The following PTPRC variants were observed in gnomAD, a reference collection of about 807,000 sequenced individuals.
The protein encoded by PTPRC is receptor-type tyrosine-protein phosphatase C.
A neutral mutation model predicts 155.9 loss-of-function variants in PTPRC; 44 were observed. The ratio of observed to expected loss-of-function variants is 0.28; its 90% CI spans 0.22 to 0.36. The LOEUF is 0.36. PTPRC is among the 10% of genes least tolerant of loss of function. The pLI is 1.00. For missense variants in PTPRC, 1,401 were observed against 1,564.6 expected (o/e 0.90, Z 1.76); for synonymous variants, 525 against 533.1 (o/e 0.98, Z 0.21).
intron 2 of PTPRC, among the ~76,000 whole-genome samples, chr1:198,660,345 A>C (rs1663885927): frequency 6.6e-6 from 1 of 151,992 alleles, no homozygotes; most frequent in African/African-American, 2.4e-5. Context: ...TCATATGCTT[A>C]TTATTTACAT....
chr1:198,708,160 G>A lies in PTPRC; in HGVS notation c.932G>A (p.Cys311Tyr). 2 of 1,606,662 alleles carry A rather than the reference G, an allele frequency of 1.2e-6. No individual in the cohort carries two copies. Among genetic ancestry groups the A allele is most frequent in the Non-Finnish European group, 1.7e-6 (2 of 1,174,016 alleles). ...GTTGAAAAGTTTCAGTTACATGATTGTACACAAGTTGAAAAAGCAGATACT... is the reference window on the plus strand; with the variant it reads ...GTTGAAAAGTTTCAGTTACATGATTATACACAAGTTGAAAAAGCAGATACT... ...PGVEKFQLHD[C>Y]TQVEKADTTI... The change falls in exon 10 of 33, where the codon TGT (cysteine) becomes TAT (tyrosine). Residue 311 changes from cysteine to tyrosine, a missense_variant. Physicochemically the swap from Cys to Tyr is radical, Grantham distance 194. This residue lies in a region of PTPRC where 867 missense variants were observed against 970.4 expected (regional missense o/e 0.89). Coordinates refer to ENST00000442510, the MANE Select transcript of PTPRC (RefSeq NM_002838.5).
chr1:198,691,094 C>T (rs1412288945), intron 2 of PTPRC, among the ~76,000 whole-genome samples: 1 of 152,188 alleles, frequency 6.6e-6, no homozygotes, highest in East Asian at 1.9e-4. Context: ...CTGGCTCTCT[C>T]CTTAATATTC....
chr1:198,741,748 C>T, intron 23 of PTPRC, 121 bp from the exon 24 acceptor site: 2 of 983,882 alleles, frequency 2.0e-6, no homozygotes, highest in South Asian at 1.5e-5. Flanking sequence ...AAACTATGAA[C>T]TCTTTTGAGT....
At chr1:198,697,330 T>A (rs1272967091) in intron 4 of PTPRC, among the ~76,000 whole-genome samples, 2 of 152,244 alleles carry the variant, frequency 1.3e-5, no homozygotes, top group Non-Finnish European at 2.9e-5. Context: ...AGATTCTCTT[T>A]ATCCAAAAAT....
At chr1:198,741,725 A>G in intron 23 of PTPRC, 144 bp from the exon 24 acceptor site, 2 of 801,856 alleles carry the variant, frequency 2.5e-6, no homozygotes, top group East Asian at 2.7e-5. Context: ...GAAAATATAT[A>G]AGACACCTGA....
intron 15 of PTPRC, among the ~76,000 whole-genome samples, chr1:198,723,649 C>T (rs987552339): frequency 5.3e-5 from 8 of 152,146 alleles, no homozygotes; most frequent in Non-Finnish European, 1.0e-4. Context: ...GCTGAACATT[C>T]ACACTCACAT....
At chr1:198,702,269 G>T (rs1307003013) in intron 5 of PTPRC, 118 bp from the exon 6 acceptor site, 1 of 1,295,784 alleles carries the variant, frequency 7.7e-7, no homozygotes, top group African/African-American at 1.5e-5. Context: ...TATAGCAGAA[G>T]TGCTTGAAGA....
In PTPRC at chr1:198,756,179, T is replaced by C. The variant is rs1293460023; in HGVS notation, c.3919T>C (p.Ter1307GlnextTer4). Residue 1307 changes from the stop codon to glutamine (Q), a stop_lost, in exon 33 of 33, where the codon TAG becomes CAG. Transcript: ENST00000442510. ...PASPALNQGS[*>Q] ...AAGTCCAGCTTTAAATCAAGGTTCA[T>C]AGGAAAAGACATAAATGAGGAAACT... 3.7e-6 allele frequency: 6 copies of C among 1,612,830 alleles called. No individual in the cohort carries two copies. The Admixed American group carries it at 8.4e-5, about 22-fold the overall frequency.
chr1:198,710,695 G>T (rs1571859681), intron 11 of PTPRC, among the ~76,000 whole-genome samples: 1 of 152,092 alleles, frequency 6.6e-6, no homozygotes, highest in East Asian at 1.9e-4. Context: ...TGGTTATAAT[G>T]CTGTTGTTTT....
chr1:198,753,081 G>C (rs1655460627), intron 31 of PTPRC, among the ~76,000 whole-genome samples: 1 of 151,790 alleles, frequency 6.6e-6, no homozygotes, highest in Non-Finnish European at 1.5e-5. Flanking sequence ...TGAATGGAAG[G>C]GTGTGTGAAC....
chr1:198,658,717 G>C (rs1663747103), intron 2 of PTPRC, among the ~76,000 whole-genome samples: 1 of 152,082 alleles, frequency 6.6e-6, no homozygotes, highest in Admixed American at 6.6e-5. Flanking sequence ...TATGTGGCAA[G>C]ATTTGATGGA....
At chr1:198,683,334 T>C (rs1665444070) in intron 2 of PTPRC, among the ~76,000 whole-genome samples, 1 of 152,152 alleles carries the variant, frequency 6.6e-6, no homozygotes, top group Admixed American at 6.5e-5. Flanking sequence ...TCTTTGTTCT[T>C]TAATGATGAT....
At chr1:198,721,818 G>T (rs1239498573) in intron 14 of PTPRC, among the ~76,000 whole-genome samples, 2 of 151,220 alleles carry the variant, frequency 1.3e-5, no homozygotes, top group East Asian at 1.9e-4. Flanking sequence ...CTCTTTTAAT[G>T]ATATTATTCA....
chr1:198,719,399 C>T (rs12144453), intron 14 of PTPRC, among the ~76,000 whole-genome samples: 2,054 of 152,154 alleles, frequency 0.013, 25 homozygotes, highest in Non-Finnish European at 0.016. Flanking sequence ...TTGTCACATG[C>T]GTAAAAATGT....
chr1:198,729,924 AGAGATGGG>A (rs923924687), intron 17 of PTPRC, among the ~76,000 whole-genome samples: 22 of 152,122 alleles, frequency 1.4e-4, no homozygotes, highest in Non-Finnish European at 4.4e-5. Flanking sequence ...TGGAAGTCAC[AGAGATGGG>A]GAGATGGGAT....
At chr1:198,689,452 C>T (rs1665809158) in intron 2 of PTPRC, among the ~76,000 whole-genome samples, 1 of 152,114 alleles carries the variant, frequency 6.6e-6, no homozygotes, top group African/African-American at 2.4e-5. Flanking sequence ...TTGGTGACAA[C>T]AAAGTAGTAA....
rs190828728 is a variant in PTPRC at position 198,692,912 on chromosome 1, T to C, written c.100+539T>C. The C allele has an allele frequency of 3.0e-5, 27 of 907,054 alleles. No individual in the cohort carries two copies. In the African/African-American group the frequency reaches 3.6e-4, roughly 12 times the overall value. 56.2% of individuals were successfully genotyped at this position (907,054 alleles called of 1,614,324 possible). A position where few individuals can be genotyped will look rare whatever the true frequency, so the allele number is the denominator to read the frequency against. On this transcript the variant is annotated intron_variant, in intron 3 of 32. Coordinates refer to ENST00000442510, the MANE Select transcript of PTPRC (RefSeq NM_002838.5). ...CCTTATAAATGTCTTAATCATGAGA[T>C]AAATTTAAAACACAGAGATGCTGCA... is the stretch of plus-strand genomic sequence containing the variant.
intron 14 of PTPRC, among the ~76,000 whole-genome samples, chr1:198,718,565 T>A (rs2102446126): frequency 6.6e-6 from 1 of 152,334 alleles, no homozygotes; most frequent in Non-Finnish European, 1.5e-5. Context: ...GCTTCTGTGT[T>A]AAGAAGCACA....
At chr1:198,687,037 A>G (rs929891049) in intron 2 of PTPRC, among the ~76,000 whole-genome samples, 5 of 152,064 alleles carry the variant, frequency 3.3e-5, no homozygotes, top group African/African-American at 9.7e-5. Context: ...TCAGGGTCTC[A>G]CCCTGTCACC....
Sources: allele counts gnomAD v4.1 joint callset (sites outside exome capture counted in the v4.1 genomes callset), GRCh38; gene constraint gnomAD v4.1.1; regional missense constraint gnomAD v4.1.1; transcripts MANE v1.5; gene names NCBI Gene and HGNC (gene_info 2026-07-23, HGNC 2026-07-21).